SHISAL1: variants seen among roughly 807,000 people sequenced by gnomAD.
SHISAL1 encodes protein shisa-like-1.
In SHISAL1, 9 loss-of-function variants were observed where a neutral mutation model predicts 22.6. The ratio of observed to expected loss-of-function variants is 0.40; its 90% confidence interval spans 0.24 to 0.70. The LOEUF (loss-of-function observed/expected upper bound fraction) is 0.70. Among genes scored for constraint, SHISAL1 ranks in the 30% least tolerant of loss-of-function variants. The probability of loss-of-function intolerance (pLI) is 0.39; values close to 1 mark genes in which losing one functional copy is unlikely to be tolerated. For missense variants in SHISAL1, 246 were observed against 270.6 expected (o/e 0.91, Z 0.64); for synonymous variants, 119 against 115.4 (o/e 1.03, Z -0.20).
chr22:44,274,562 A>T (rs1018410009), intron 4 of SHISAL1, among the ~76,000 whole-genome samples: 3 of 152,328 alleles, frequency 2.0e-5, no homozygotes, highest in Admixed American at 1.3e-4. Context: ...AATAAAAAAA[A>T]TTATACGTTG....
upstream of SHISAL1, among the ~76,000 whole-genome samples, chr22:44,315,571 T>G (rs1229074511): frequency 6.6e-6 from 1 of 152,072 alleles, no homozygotes; most frequent in Non-Finnish European, 1.5e-5. Flanking sequence ...AGTTTCCCCA[T>G]CTATAAACTG....
intron 1 of SHISAL1, among the ~76,000 whole-genome samples, chr22:44,309,438 G>A (rs545308842): frequency 2.0e-5 from 3 of 152,252 alleles, no homozygotes; most frequent in South Asian, 4.1e-4. Context: ...ACGAGGAGAC[G>A]GGCTAGCAGC....
intron 2 of SHISAL1, among the ~76,000 whole-genome samples, chr22:44,297,366 G>C (rs2055394406): frequency 6.6e-6 from 1 of 152,250 alleles, no homozygotes; most frequent in Non-Finnish European, 1.5e-5. Context: ...GCCCTCTCCA[G>C]TCTTGTATCA....
chr22:44,285,845 T>C (rs2055311591), intron 3 of SHISAL1, 100 bp from the exon 4 acceptor site: 2 of 1,043,542 alleles, frequency 1.9e-6, no homozygotes, highest in Non-Finnish European at 2.9e-6. Context: ...CCTGGGGCTA[T>C]GTTGGGGTCC....
intron 4 of SHISAL1, among the ~76,000 whole-genome samples, chr22:44,279,949 G>C (rs147980106): frequency 4.1e-4 from 62 of 152,318 alleles, no homozygotes; most frequent in African/African-American, 1.4e-3. Context: ...TAAGATCTGA[G>C]ATGTACACAT....
intron 4 of SHISAL1, among the ~76,000 whole-genome samples, chr22:44,264,106 A>C (rs1277275873): frequency 6.6e-6 from 1 of 152,216 alleles, no homozygotes; most frequent in African/African-American, 2.4e-5. Context: ...GCACAGATCC[A>C]GGCTGGGGCC....
Position 44,288,479 on chromosome 22 carries a change from T to G in SHISAL1, c.282-2734A>C. ...GTGAAACCCCGTCTCTACTAAAAAT[T>G]AAAAAAAAAAAAGTTGCTGGGTGTG... On this transcript the variant is annotated intron_variant, in intron 3 of 4. Coordinates refer to ENST00000381176, the MANE Select transcript of SHISAL1 (RefSeq NM_001099294.2). Among the ~76,000 whole-genome samples, 3 of 145,846 alleles carry G rather than the reference T, an allele frequency of 2.1e-5. 1 individual carries two copies. The Middle Eastern group carries it at 0.01, about 510-fold the overall frequency.
At chr22:44,262,968 G>C (rs1188550219) in intron 4 of SHISAL1, among the ~76,000 whole-genome samples, 1 of 152,136 alleles carries the variant, frequency 6.6e-6, no homozygotes, top group East Asian at 1.9e-4. Context: ...CAGGTGAACT[G>C]GAGACAATGT....
intron 4 of SHISAL1, among the ~76,000 whole-genome samples, chr22:44,253,013 TAAA>T (rs201393616): frequency 1.3e-5 from 2 of 148,310 alleles, no homozygotes; most frequent in African/African-American, 2.5e-5. Flanking sequence ...ATAAAAAAAA[TAAA>T]AAAAAAGGGC....
At chr22:44,319,094 C>T in the SHISAL1 span, among the ~76,000 whole-genome samples, 1 of 152,266 alleles carries the variant, frequency 6.6e-6, no homozygotes, top group African/African-American at 2.4e-5. Flanking sequence ...GTGAAGACTC[C>T]AGGCCACGGA....
In SHISAL1 at chr22:44,245,487, A is replaced by AGTTCAGCC. The variant is rs1480131053; in HGVS notation, c.*4190_*4197dup. The AGTTCAGCC allele has an allele frequency of 6.6e-6, 1 of 152,262 alleles. No homozygotes were observed. Among genetic ancestry groups the AGTTCAGCC allele is most frequent in the Admixed American group, 6.5e-5 (1 of 15,288 alleles). 9.4% of individuals were successfully genotyped at this position (152,262 alleles called of 1,614,324 possible). On this transcript the variant is annotated 3_prime_UTR_variant, in exon 5 of 5. Coordinates refer to ENST00000381176, the MANE Select transcript of SHISAL1 (RefSeq NM_001099294.2). ...AAGGCTTTTCCTGTTGATGGGGACCAGTTCAGCCAAGTTGAAAAATTAAAA... is the reference window on the plus strand; with the variant it reads ...AAGGCTTTTCCTGTTGATGGGGACCAGTTCAGCCGTTCAGCCAAGTTGAAAAATTAAAA...
chr22:44,263,794 C>T (rs2055143165), intron 4 of SHISAL1, among the ~76,000 whole-genome samples: 1 of 152,160 alleles, frequency 6.6e-6, no homozygotes, highest in African/African-American at 2.4e-5. Context: ...CCAGCAGGGC[C>T]CCGTGCTGCT....
chr22:44,265,025 CAG>C (rs1265437466), intron 4 of SHISAL1, among the ~76,000 whole-genome samples: 3 of 152,074 alleles, frequency 2.0e-5, no homozygotes, highest in East Asian at 3.9e-4. Context: ...ACACACACAC[CAG>C]AGTGTTGACT....
chr22:44,276,690 G>A (rs1264639269), intron 4 of SHISAL1, among the ~76,000 whole-genome samples: 1 of 152,148 alleles, frequency 6.6e-6, no homozygotes, highest in African/African-American at 2.4e-5. Context: ...GGTCCCCCAC[G>A]TCTATGGGAC....
At chr22:44,291,013 A>G (rs770267818) in intron 3 of SHISAL1, among the ~76,000 whole-genome samples, 2 of 152,172 alleles carry the variant, frequency 1.3e-5, no homozygotes, top group Non-Finnish European at 2.9e-5. Context: ...GGTGTTCCCA[A>G]TAGGGTCAAT....
At chr22:44,255,619 TGCGCTGGTCA>T (rs903002963) in intron 4 of SHISAL1, among the ~76,000 whole-genome samples, 12 of 152,232 alleles carry the variant, frequency 7.9e-5, no homozygotes, top group South Asian at 2.1e-4. Flanking sequence ...CAGTGGTGTC[TGCGCTGGTCA>T]GCGCTGGTCA....
At chr22:44,324,397 C>G in the SHISAL1 span, among the ~76,000 whole-genome samples, 38 of 152,308 alleles carry the variant, frequency 2.5e-4, no homozygotes, top group African/African-American at 8.9e-4. Context: ...TCAACAACCA[C>G]AGGCTTGGTG....
At chr22:44,287,321 C>T (rs1283300079) in intron 3 of SHISAL1, among the ~76,000 whole-genome samples, 3 of 152,224 alleles carry the variant, frequency 2.0e-5, no homozygotes, top group African/African-American at 4.8e-5. Flanking sequence ...CAGGGCTGAG[C>T]CCAGGGCCGG....
chr22:44,298,684 G>C (rs1298806775), intron 2 of SHISAL1, among the ~76,000 whole-genome samples: 1 of 152,366 alleles, frequency 6.6e-6, no homozygotes, highest in Admixed American at 6.5e-5. Flanking sequence ...GGAGGGAAGG[G>C]ACAGAGCGGT....
Sources: gnomAD v4.1 joint callset for allele counts (sites outside exome capture counted in the v4.1 genomes callset) on GRCh38, gnomAD v4.1.1 for gene constraint, MANE v1.5 for transcripts, NCBI Gene and HGNC (gene_info 2026-07-23, HGNC 2026-07-21) for gene names.